Variants in TRPM1 observed in about 807,000 individuals in gnomAD.
TRPM1 encodes transient receptor potential cation channel subfamily M member 1, also known as TRPM1-203 APA Isoform, Intron 10.
Under a neutral mutation model 149.4 loss-of-function variants are expected in TRPM1, and 113 were observed. That is an observed-to-expected ratio of 0.76 (90% CI 0.65 to 0.88). TRPM1 has a LOEUF of 0.88. TRPM1 is among the 40% of genes least tolerant of loss of function. TRPM1 has a pLI of 0.00. For missense variants in TRPM1, 1,976 were observed against 2,038.7 expected (o/e 0.97, Z 0.59); for synonymous variants, 741 against 759.5 (o/e 0.98, Z 0.40).
chr15:31,081,307 AG>A (rs780931560), intron 2 of TRPM1, 45 bp downstream of exon 2: 33 of 533,532 alleles, frequency 6.2e-5, no homozygotes, highest in Non-Finnish European at 6.7e-5. Flanking sequence ...GTACTTTCTC[AG>A]GGGGGGAGGG....
chr15:31,080,338 G>T (rs1294316119), intron 2 of TRPM1, among the ~76,000 whole-genome samples: 1 of 152,106 alleles, frequency 6.6e-6, no homozygotes, highest in Non-Finnish European at 1.5e-5. Context: ...ATTCTGGGGA[G>T]AACCACCTAA....
intron 1 of TRPM1, among the ~76,000 whole-genome samples, chr15:31,144,314 G>C (rs2036196241): frequency 6.6e-6 from 1 of 152,182 alleles, no homozygotes; most frequent in Non-Finnish European, 1.5e-5. Context: ...GCACATGCCT[G>C]TAGTCCCAGT....
chr15:31,039,001 T>G (rs1186654288), intron 18 of TRPM1, among the ~76,000 whole-genome samples: 4 of 151,304 alleles, frequency 2.6e-5, no homozygotes, highest in Non-Finnish European at 4.4e-5. Context: ...CTTTTTTTTT[T>G]TTTTTTTTTG....
chr15:31,158,933 T>G (rs1451867840), intron 1 of TRPM1, among the ~76,000 whole-genome samples: 1 of 152,136 alleles, frequency 6.6e-6, no homozygotes, highest in East Asian at 1.9e-4. Flanking sequence ...ATTATTAATT[T>G]GTTGCCATAA....
chr15:31,096,091 A>G (rs983021291), intron 1 of TRPM1, among the ~76,000 whole-genome samples: 3 of 144,690 alleles, frequency 2.1e-5, no homozygotes, highest in Admixed American at 6.9e-5. Flanking sequence ...AAGAAAAGAA[A>G]GAAGGAAGGA....
intron 1 of TRPM1, among the ~76,000 whole-genome samples, chr15:31,128,328 A>G (rs7172292): frequency 0.53 from 79,781 of 151,852 alleles, 21,645 homozygotes; most frequent in African/African-American, 0.59. Context: ...TGGAGCTCTG[A>G]CCCCTCCCAC....
chr15:31,066,565 A>G (rs753815368), intron 6 of TRPM1, among the ~76,000 whole-genome samples: 6 of 152,204 alleles, frequency 3.9e-5, no homozygotes, highest in Non-Finnish European at 7.3e-5. Context: ...TCCTCAACAG[A>G]CAAATGGTTA....
chr15:31,041,135 C>T (rs1228942387), intron 17 of TRPM1, among the ~76,000 whole-genome samples: 3 of 151,674 alleles, frequency 2.0e-5, no homozygotes, highest in Admixed American at 6.6e-5. Context: ...TGGCAATAAC[C>T]ATAAACGTTC....
At chr15:31,081,211 C>G in intron 2 of TRPM1, 142 bp downstream of exon 2, 1 of 723,598 alleles carries the variant, frequency 1.4e-6, no homozygotes, top group East Asian at 2.7e-5. Context: ...CAACTGGCGC[C>G]ATGGCCCGAG....
chr15:31,080,481 G>T (rs1284227784), intron 2 of TRPM1, among the ~76,000 whole-genome samples: 1 of 152,078 alleles, frequency 6.6e-6, no homozygotes, highest in African/African-American at 2.4e-5. Context: ...CAGACAGCCC[G>T]AACTGAGGGC....
chr15:31,002,531 T>C lies in TRPM1; in HGVS notation c.4169A>G (p.Gln1390Arg), dbSNP rs186419455. Reference sequence around the variant, plus strand: ...AGTTTCTTCTTTTTTAGAGTCTGTCTGTCTTTCATCATCTTCCTTTGAAAT... The same window carrying C: ...AGTTTCTTCTTTTTTAGAGTCTGTCCGTCTTTCATCATCTTCCTTTGAAAT... The part of the protein sequence containing the change: ...IGISKEDDER[Q>R]TDSKKEETIS... The change falls in exon 28 of 28, where the codon CAG (glutamine) becomes CGG (arginine). Residue 1390 changes from glutamine to arginine, a missense_variant. This residue lies in a region of TRPM1 where 572 missense variants were observed against 578.9 expected (regional missense o/e 0.99). Transcript: ENST00000256552. 54 of 1,614,210 alleles carry C rather than the reference T, an allele frequency of 3.3e-5. No homozygotes were observed. In the East Asian group the frequency reaches 1.2e-3, roughly 35 times the overall value.
chr15:31,003,201 C>T (rs2031858900), intron 27 of TRPM1, 131 bp from the exon 28 acceptor site: 1 of 793,850 alleles, frequency 1.3e-6, no homozygotes, highest in Admixed American at 3.1e-5. Flanking sequence ...TATTTACAAG[C>T]TTCACAATCC....
At chr15:31,046,930 C>T (rs555841978) in intron 15 of TRPM1, among the ~76,000 whole-genome samples, 181 bp downstream of exon 15, 5 of 152,260 alleles carry the variant, frequency 3.3e-5, no homozygotes, top group African/African-American at 1.2e-4. Flanking sequence ...CGGGGCGGCC[C>T]GTGCTCAGGG....
chr15:31,078,251 C>A (rs566776850), intron 2 of TRPM1, among the ~76,000 whole-genome samples: 2 of 152,244 alleles, frequency 1.3e-5, no homozygotes, highest in African/African-American at 4.8e-5. Context: ...GGTCCCTTGT[C>A]TCTGGGGAGG....
chr15:31,103,259 C>T (rs556521607), upstream of TRPM1, among the ~76,000 whole-genome samples: 4 of 152,200 alleles, frequency 2.6e-5, no homozygotes, highest in Non-Finnish European at 5.9e-5. Flanking sequence ...AGAGAACACC[C>T]CTCCTCCCCA....
At chr15:31,126,121 A>G (rs1260582899) in intron 1 of TRPM1, among the ~76,000 whole-genome samples, 1 of 152,164 alleles carries the variant, frequency 6.6e-6, no homozygotes, top group East Asian at 1.9e-4. Flanking sequence ...GACAGAGTGG[A>G]ACTTCGTCTC....
intron 1 of TRPM1, among the ~76,000 whole-genome samples, chr15:31,100,008 G>C (rs2035477529): frequency 6.6e-6 from 1 of 151,676 alleles, no homozygotes; most frequent in African/African-American, 2.4e-5. Flanking sequence ...CCCATTCTCA[G>C]TTCCTATCCC....
intron 1 of TRPM1, among the ~76,000 whole-genome samples, chr15:31,112,804 T>C (rs1012847738): frequency 1.3e-5 from 2 of 152,216 alleles, no homozygotes; most frequent in African/African-American, 2.4e-5. Context: ...AGATTCACAA[T>C]GCATATTAGG....
intron 27 of TRPM1, among the ~76,000 whole-genome samples, chr15:31,010,468 T>C (rs1263699746): frequency 1.3e-5 from 2 of 152,216 alleles, no homozygotes; most frequent in Admixed American, 6.5e-5. Flanking sequence ...TTTGGTATAT[T>C]GTGTTTTCAT....
Sources: gnomAD v4.1 joint callset for allele counts (sites outside exome capture counted in the v4.1 genomes callset) on GRCh38, gnomAD v4.1.1 for gene constraint, gnomAD v4.1.1 regional missense constraint, MANE v1.5 for transcripts, NCBI Gene and HGNC (gene_info 2026-07-23, HGNC 2026-07-21) for gene names.